Variants in CENPC observed in about 807,000 individuals in gnomAD.
The protein encoded by CENPC is CENP-C 1.
CENPC carries 63 observed loss-of-function variants against 112.1 expected under a neutral mutation model. The observed-to-expected ratio is 0.56, with a 90% CI of 0.46 to 0.69. The LOEUF (loss-of-function observed/expected upper bound fraction) is 0.69. Among genes scored for constraint, CENPC ranks in the 30% least tolerant of loss-of-function variants. CENPC has a pLI of 0.00. For missense variants in CENPC, 1,000 were observed against 1,103.8 expected (o/e 0.91, Z 1.33); for synonymous variants, 333 against 367.6 (o/e 0.91, Z 1.08).
At chr4:67,523,641 G>A (rs1053372676) in intron 5 of CENPC, among the ~76,000 whole-genome samples, 9 of 146,190 alleles carry the variant, frequency 6.2e-5, no homozygotes, top group African/African-American at 2.3e-4. Context: ...GATATTTATA[G>A]GTATGTGTTG....
chr4:67,493,777 G>A (rs1725351221), intron 14 of CENPC, 107 bp downstream of exon 14: 2 of 618,558 alleles, frequency 3.2e-6, no homozygotes, highest in Non-Finnish European at 5.6e-6. Flanking sequence ...CAAAATTTGG[G>A]GGGGTGATGA....
intron 17 of CENPC, among the ~76,000 whole-genome samples, chr4:67,476,682 C>T (rs1412268085): frequency 2.0e-5 from 3 of 152,088 alleles, no homozygotes; most frequent in Non-Finnish European, 4.4e-5. Context: ...GGGGGAAGGG[C>T]GAATAGGAAG....
At chr4:67,498,194 C>A (rs112251432) in intron 12 of CENPC, among the ~76,000 whole-genome samples, 1,652 of 152,230 alleles carry the variant, frequency 0.011, 14 homozygotes, top group Non-Finnish European at 0.019. Context: ...GAGATCACAC[C>A]ACTGCACTCC....
intron 5 of CENPC, among the ~76,000 whole-genome samples, chr4:67,525,521 C>T (rs1379492945): frequency 6.6e-6 from 1 of 152,098 alleles, no homozygotes; most frequent in Non-Finnish European, 1.5e-5. Context: ...TATGAACAGA[C>T]ACTTCTCAGA....
intron 5 of CENPC, among the ~76,000 whole-genome samples, chr4:67,527,299 T>C (rs886667020): frequency 6.6e-6 from 1 of 152,104 alleles, no homozygotes; most frequent in Admixed American, 6.6e-5. Context: ...AAAAATCATA[T>C]GATCATATGG....
intron 17 of CENPC, among the ~76,000 whole-genome samples, chr4:67,479,305 T>C (rs765595382): frequency 6.6e-5 from 10 of 152,212 alleles, no homozygotes; most frequent in African/African-American, 1.4e-4. Flanking sequence ...TTTTCCAAGA[T>C]AGACTGTATG....
chr4:67,537,684 T>C (rs989243046), intron 4 of CENPC, among the ~76,000 whole-genome samples: 2 of 152,050 alleles, frequency 1.3e-5, no homozygotes, highest in African/African-American at 2.4e-5. Context: ...CCCCAGCTAC[T>C]TGGGGGACTG....
intron 5 of CENPC, among the ~76,000 whole-genome samples, chr4:67,527,315 T>C (rs762087670): frequency 6.6e-6 from 1 of 152,228 alleles, no homozygotes; most frequent in Middle Eastern, 3.4e-3. Context: ...TATGGATTTA[T>C]GCAAAAAATG....
chr4:67,507,670 A>G (rs1400051944), intron 10 of CENPC, among the ~76,000 whole-genome samples: 1 of 152,142 alleles, frequency 6.6e-6, no homozygotes, highest in Non-Finnish European at 1.5e-5. Flanking sequence ...CCAAACATTC[A>G]AAGAGAATTA....
chr4:67,484,858 C>G (rs1360005946), intron 17 of CENPC, among the ~76,000 whole-genome samples: 1 of 152,184 alleles, frequency 6.6e-6, no homozygotes, highest in African/African-American at 2.4e-5. Flanking sequence ...CTTTGGGAGG[C>G]CTAGGTGGGC....
chr4:67,539,948 A>G lies in CENPC; in HGVS notation c.137-14T>C. 7.0e-7 allele frequency: 1 copy of G among 1,425,058 alleles called. No individual in the cohort carries two copies. The highest frequency in any genetic ancestry group is 9.4e-7 in the Non-Finnish European group (1 of 1,064,156). The allele number at this position is 1,425,058 out of a possible 1,614,324, so 88.3% of individuals were successfully genotyped here. ...CATTGGCAAGACCTAAAACAAAAGT[A>G]TGAAATTTTCAAAAACAAGATATAG... On this transcript the variant is annotated splice_polypyrimidine_tract_variant and intron_variant, in intron 3 of 18. Coordinates refer to ENST00000273853, the MANE Select transcript of CENPC (RefSeq NM_001812.4).
intron 12 of CENPC, among the ~76,000 whole-genome samples, chr4:67,497,496 T>C (rs1349995816): frequency 6.6e-6 from 1 of 152,196 alleles, no homozygotes; most frequent in African/African-American, 2.4e-5. Context: ...AACAGTTTTT[T>C]AGTTTCCTGG....
intron 17 of CENPC, among the ~76,000 whole-genome samples, chr4:67,484,753 T>C (rs1421190561): frequency 6.6e-6 from 1 of 152,192 alleles, no homozygotes; most frequent in Non-Finnish European, 1.5e-5. Context: ...ACTTACTGGC[T>C]TATGAAAATT....
At chr4:67,508,738 A>C in intron 10 of CENPC, 76 bp downstream of exon 10, 1 of 1,378,496 alleles carries the variant, frequency 7.3e-7, no homozygotes, top group Non-Finnish European at 9.9e-7. Flanking sequence ...CTGCCTGTCC[A>C]TAAATGACTA....
At chr4:67,516,042 A>T (rs1290105415) in intron 7 of CENPC, among the ~76,000 whole-genome samples, 1 of 152,044 alleles carries the variant, frequency 6.6e-6, no homozygotes, top group Non-Finnish European at 1.5e-5. Flanking sequence ...GACAATTTCA[A>T]CTACAATCTT....
chr4:67,474,604 A>C, intron 18 of CENPC: 1 of 313,996 alleles, frequency 3.2e-6, no homozygotes, highest in Non-Finnish European at 5.9e-6. Context: ...AGTCTGAGGC[A>C]CAAGAATCGC....
chr4:67,490,711 T>C (rs1475122742), intron 16 of CENPC, among the ~76,000 whole-genome samples: 2 of 151,384 alleles, frequency 1.3e-5, no homozygotes, highest in African/African-American at 2.4e-5. Context: ...CTTACAAAAA[T>C]TTCCATTACT....
rs971059113 is a variant in CENPC at position 67,488,114 on chromosome 4, C to T, written c.2670+1853G>A. On this transcript the variant is annotated intron_variant, in intron 17 of 18. Transcript: ENST00000273853. ...TGTATTCTCTTCAAGATTTTATTTA[C>T]ATTTTTAAATTCTAGTTAGAAAAAT... Among the ~76,000 whole-genome samples the T allele has an allele frequency of 1.7e-4, 26 of 151,614 alleles. 1 individual carries two copies. Among genetic ancestry groups the T allele is most frequent in the African/African-American group, 5.8e-4 (24 of 41,094 alleles).
intron 9 of CENPC, 114 bp from the exon 10 acceptor site, chr4:67,509,219 C>G: frequency 3.8e-6 from 1 of 263,244 alleles, no homozygotes. Flanking sequence ...CACACACACA[C>G]ACACACACAC....
Sources: allele counts gnomAD v4.1 joint callset (sites outside exome capture counted in the v4.1 genomes callset), GRCh38; gene constraint gnomAD v4.1.1; transcripts MANE v1.5; gene names NCBI Gene and HGNC (gene_info 2026-07-23, HGNC 2026-07-21).